The following NBEAL1 variants were observed in gnomAD, a reference collection of about 807,000 sequenced individuals.
NBEAL1 encodes neurobeachin like 1.
Under a neutral mutation model 351.3 loss-of-function variants are expected in NBEAL1, and 273 were observed. The ratio of observed to expected loss-of-function variants is 0.78; its 90% CI spans 0.70 to 0.86. The LOEUF (loss-of-function observed/expected upper bound fraction) is 0.86, where lower values mean the gene tolerates loss of function less well. NBEAL1 is among the 40% of genes least tolerant of loss of function. NBEAL1 has a pLI of 0.00. For synonymous variants in NBEAL1, 1,050 were observed against 1,086.4 expected, an observed-to-expected ratio of 0.97 and a Z score of 0.66; for missense variants, 2,961 against 3,201.3, an observed-to-expected ratio of 0.92 and a Z score of 1.81.
intron 46 of NBEAL1, chr2:203,191,400 T>C: frequency 3.0e-6 from 1 of 331,256 alleles, no homozygotes. Flanking sequence ...ATATATTTCT[T>C]TCCCTATACT....
intron 8 of NBEAL1, among the ~76,000 whole-genome samples, chr2:203,080,562 A>T (rs1229378241): frequency 6.7e-6 from 1 of 148,524 alleles, no homozygotes; most frequent in East Asian, 2.0e-4. Flanking sequence ...ATTCCTTTTT[A>T]CTCTTGTACC....
At chr2:203,083,682 A>G (rs140919179) in intron 9 of NBEAL1, among the ~76,000 whole-genome samples, 157 bp downstream of exon 9, 1 of 152,368 alleles carries the variant, frequency 6.6e-6, no homozygotes, top group African/African-American at 2.4e-5. Context: ...TAATTTATAT[A>G]GAATTGATGT....
intron 3 of NBEAL1, among the ~76,000 whole-genome samples, chr2:203,046,095 G>A (rs2061220626): frequency 6.6e-6 from 1 of 152,056 alleles, no homozygotes; most frequent in Non-Finnish European, 1.5e-5. Context: ...TGGGAGGCTA[G>A]CTTAAGGCCA....
chr2:203,059,772 T>C (rs2061466493), intron 6 of NBEAL1, among the ~76,000 whole-genome samples: 1 of 152,228 alleles, frequency 6.6e-6, no homozygotes, highest in African/African-American at 2.4e-5. Context: ...TTGTCCCAGC[T>C]ACTGGGGATG....
chr2:203,145,625 C>T lies in NBEAL1; in HGVS notation c.5304+465C>T, dbSNP rs1256274198. ...CCAGCCTGGCCAACATGGCGAAACC[C>T]CACCTCTACTGAAAATACAAAAATT... On this transcript the variant is annotated intron_variant, in intron 33 of 55. Transcript: ENST00000683969. Among the ~76,000 whole-genome samples, 4 of 151,562 alleles carry T rather than the reference C, an allele frequency of 2.6e-5. No individual in the cohort carries two copies. The East Asian group carries it at 7.7e-4, about 29-fold the overall frequency.
rs919223280 is a variant in NBEAL1, at chr2:203,222,477, G to A, written c.*5123G>A. On this transcript the variant is annotated 3_prime_UTR_variant, in exon 56 of 56. Transcript: ENST00000683969. The stretch of plus-strand genomic sequence containing the variant: ...AATAGGCTTAATCATTATCCTGAGG[G>A]ACATTTTGTCTAAAATTTGCTTGGA... Among the ~76,000 whole-genome samples the A allele has an allele frequency of 3.3e-5, 5 of 152,036 alleles. No individual in the cohort carries two copies. Among genetic ancestry groups the A allele is most frequent in the Non-Finnish European group, 5.9e-5 (4 of 68,004 alleles).
chr2:203,030,912 G>C (rs1019565903), intron 2 of NBEAL1, among the ~76,000 whole-genome samples: 2 of 152,184 alleles, frequency 1.3e-5, no homozygotes, highest in African/African-American at 4.8e-5. Flanking sequence ...CCACTTGGGA[G>C]ACTGAGGTGT....
At chr2:203,040,383 C>T (rs1433242753) in intron 2 of NBEAL1, 3 of 714,754 alleles carry the variant, frequency 4.2e-6, no homozygotes, top group Admixed American at 3.9e-5. Context: ...TTGTTGTACA[C>T]ATCAAAAGGA....
chr2:203,152,864 C>T (rs1478890237), intron 35 of NBEAL1, among the ~76,000 whole-genome samples: 1 of 151,430 alleles, frequency 6.6e-6, no homozygotes, highest in Non-Finnish European at 1.5e-5. Flanking sequence ...ATGGTGAAAC[C>T]CTGTCTCTAC....
intron 16 of NBEAL1, 62 bp from the exon 17 acceptor site, chr2:203,112,953 T>C: frequency 1.5e-6 from 2 of 1,329,568 alleles, no homozygotes; most frequent in Non-Finnish European, 2.0e-6. Flanking sequence ...ATTGTGTAAT[T>C]TTATGTTAAA....
At chr2:203,110,097 G>T in intron 14 of NBEAL1, 53 bp from the exon 15 acceptor site, 1 of 1,487,936 alleles carries the variant, frequency 6.7e-7, no homozygotes. Context: ...CTTTAATGAT[G>T]ATGAAACTGA....
In NBEAL1 at chr2:203,016,351, A is replaced by C; in HGVS notation, c.-34A>C. Reference sequence around the variant, plus strand: ...CTGTAGTCTTGAACATAATTTTTTTAAGGAAAACTTAAAGTGCCAGAGTGA... The same window carrying C: ...CTGTAGTCTTGAACATAATTTTTTTCAGGAAAACTTAAAGTGCCAGAGTGA... On this transcript the variant is annotated 5_prime_UTR_variant, in exon 2 of 56. Coordinates refer to ENST00000683969, the MANE Select transcript of NBEAL1 (RefSeq NM_001378026.1). The C allele has an allele frequency of 7.0e-7, 1 of 1,424,278 alleles. No homozygotes were observed. Among genetic ancestry groups the C allele is most frequent in the South Asian group, 1.5e-5 (1 of 66,516 alleles). 88.2% of individuals were successfully genotyped at this position (1,424,278 alleles called of 1,614,324 possible).
At chr2:203,083,088 G>A (rs2061901070) in intron 8 of NBEAL1, 131 bp from the exon 9 acceptor site, 2 of 739,546 alleles carry the variant, frequency 2.7e-6, no homozygotes, top group Non-Finnish European at 4.3e-6. Flanking sequence ...GGCTATCAGA[G>A]TATCTGTTAC....
intron 11 of NBEAL1, 41 bp from the exon 12 acceptor site, chr2:203,099,588 G>C: frequency 7.6e-7 from 1 of 1,316,246 alleles, no homozygotes; most frequent in South Asian, 1.4e-5. Flanking sequence ...AAAATCGTGA[G>C]CACATTTGTT....
At chr2:203,193,014 C>G (rs1179109649) in intron 46 of NBEAL1, among the ~76,000 whole-genome samples, 1 of 141,448 alleles carries the variant, frequency 7.1e-6, no homozygotes, top group Non-Finnish European at 1.5e-5. Context: ...CTCTGTCACC[C>G]AGGCTGGAGT....
intron 3 of NBEAL1, among the ~76,000 whole-genome samples, chr2:203,045,105 A>T (rs977609940): frequency 3.3e-5 from 5 of 152,106 alleles, no homozygotes; most frequent in East Asian, 1.9e-4. Context: ...TTTTATAATT[A>T]AAAAAAATCT....
rs368170954 is a variant in NBEAL1, at chr2:203,119,812, C to T, written c.2593-2442C>T. ...AGGAACCAGTTTACTTTTGTTTTGTCCTACTGTTTCACCAGCTATTTGAGC... is the reference window on the plus strand; with the variant it reads ...AGGAACCAGTTTACTTTTGTTTTGTTCTACTGTTTCACCAGCTATTTGAGC... On this transcript the variant is annotated intron_variant, in intron 18 of 55. Transcript: ENST00000683969. Among the ~76,000 whole-genome samples, 25 of 152,210 alleles carry T rather than the reference C, an allele frequency of 1.6e-4. No homozygotes were observed. The East Asian group carries it at 3.5e-3, about 21-fold the overall frequency.
intron 43 of NBEAL1, chr2:203,182,313 T>G (rs552710932): frequency 6.6e-6 from 1 of 152,292 alleles, no homozygotes; most frequent in Admixed American, 6.5e-5. Context: ...TAACGCAGTT[T>G]TAGGCATCAT....
At chr2:203,185,715 T>C (rs1359075882) in intron 44 of NBEAL1, among the ~76,000 whole-genome samples, 1 of 152,130 alleles carries the variant, frequency 6.6e-6, no homozygotes, top group Non-Finnish European at 1.5e-5. Context: ...TTTCTCCCTC[T>C]CCATGTAATG....
Sources: gnomAD v4.1 joint callset for allele counts (sites outside exome capture counted in the v4.1 genomes callset) on GRCh38, gnomAD v4.1.1 for gene constraint, MANE v1.5 for transcripts, NCBI Gene and HGNC (gene_info 2026-07-23, HGNC 2026-07-21) for gene names.